Variants in APAF1 observed in about 807,000 individuals in gnomAD.
APAF1 encodes the protein apoptotic protease-activating factor 1.
In APAF1, 91 loss-of-function variants were observed where a neutral mutation model predicts 152.4. The observed-to-expected ratio is 0.60, with a 90% confidence interval of 0.50 to 0.71. The LOEUF is 0.71. Among genes scored for constraint, APAF1 ranks in the 30% least tolerant of loss-of-function variants. The pLI is 0.00. For missense variants in APAF1, 1,283 were observed against 1,472.0 expected, an observed-to-expected ratio of 0.87 and a Z score of 2.10; for synonymous variants, 484 against 494.1, an observed-to-expected ratio of 0.98 and a Z score of 0.27.
intron 22 of APAF1, among the ~76,000 whole-genome samples, chr12:98,718,666 C>T (rs746959740): frequency 1.3e-5 from 2 of 152,026 alleles, no homozygotes; most frequent in African/African-American, 4.8e-5. Context: ...CTGGGCGCAG[C>T]GGCTCACACC....
intron 7 of APAF1, 29 bp from the exon 8 acceptor site, chr12:98,665,524 A>G: frequency 6.9e-7 from 1 of 1,446,510 alleles, no homozygotes; most frequent in Non-Finnish European, 9.7e-7. Flanking sequence ...GGATGGTATT[A>G]GCATAGTGAC....
intron 1 of APAF1, 120 bp from the exon 2 acceptor site, chr12:98,648,199 A>C: frequency 1.1e-6 from 1 of 928,744 alleles, no homozygotes; most frequent in East Asian, 2.5e-5. Context: ...TCCATTTAAA[A>C]ATTTTTGCCA....
intron 22 of APAF1, among the ~76,000 whole-genome samples, chr12:98,717,119 C>T (rs11829360): frequency 0.027 from 4,062 of 151,994 alleles, 182 homozygotes; most frequent in African/African-American, 0.093. Context: ...CCGCCCGCCT[C>T]GGCCTCCCAA....
At chr12:98,655,481 G>A (rs2097655973) in intron 4 of APAF1, among the ~76,000 whole-genome samples, 3 of 149,956 alleles carry the variant, frequency 2.0e-5, no homozygotes, top group Non-Finnish European at 3.0e-5. Flanking sequence ...CCTCCCTCCC[G>A]GACGGGGCGG....
Position 98,734,355 on chromosome 12 carries a change from C to T in APAF1, c.*1789C>T, listed in dbSNP as rs567458422. The T allele has an allele frequency of 3.3e-5, 5 of 152,158 alleles. No individual in the cohort carries two copies. Among genetic ancestry groups the T allele is most frequent in the South Asian group, 2.1e-4 (1 of 4,824 alleles). The allele number at this position is 152,158 out of a possible 1,614,324, so 9.4% of individuals were successfully genotyped here. A position where few individuals can be genotyped will look rare whatever the true frequency, so the allele number is the denominator to read the frequency against. On this transcript the variant is annotated 3_prime_UTR_variant, in exon 27 of 27. Coordinates refer to ENST00000551964, the MANE Select transcript of APAF1 (RefSeq NM_181861.2). The stretch of plus-strand genomic sequence containing the variant: ...TCCTGATCAGGAACTTTAGTTGAAG[C>T]GTAAATCTAAAGAAACATTTTCTCT...
Position 98,666,272 on chromosome 12 carries a change from G to A in APAF1, c.1277G>A (p.Cys426Tyr). ...TTTGTAAATAAGTCTCTTTTATTCT[G>A]TGATCGGAATGGAAAGTCGTTTCGT... ...QEFVNKSLLFCDRNGKSFRYY... is the reference protein window; with the variant it reads ...QEFVNKSLLFYDRNGKSFRYY... Residue 426 changes from cysteine (C) to tyrosine (Y), a missense_variant, in exon 9 of 27, where the codon TGT becomes TAT. Coordinates refer to ENST00000551964, the MANE Select transcript of APAF1 (RefSeq NM_181861.2). 1 of 1,613,802 alleles carries A rather than the reference G, an allele frequency of 6.2e-7. No homozygotes were observed. Among genetic ancestry groups the A allele is most frequent in the Non-Finnish European group, 8.5e-7 (1 of 1,179,828 alleles).
At chr12:98,723,495 T>C (rs201755650) in intron 23 of APAF1, 144 bp from the exon 24 acceptor site, 1 of 946,166 alleles carries the variant, frequency 1.1e-6, no homozygotes. Context: ...TTTATACTGT[T>C]AGTCACATTT....
intron 22 of APAF1, among the ~76,000 whole-genome samples, chr12:98,720,550 G>A (rs1565893275): frequency 6.6e-6 from 1 of 152,206 alleles, no homozygotes; most frequent in South Asian, 2.1e-4. Flanking sequence ...TAGCCCTTAG[G>A]ATTGTGAACA....
chr12:98,689,562 T>C (rs143123251), intron 16 of APAF1, among the ~76,000 whole-genome samples: 227 of 151,978 alleles, frequency 1.5e-3, no homozygotes, highest in African/African-American at 5.0e-3. Context: ...CTAACTAAAG[T>C]GATCCTCCTG....
At chr12:98,660,972 C>G (rs2097664335) in intron 5 of APAF1, among the ~76,000 whole-genome samples, 1 of 152,174 alleles carries the variant, frequency 6.6e-6, no homozygotes, top group African/African-American at 2.4e-5. Flanking sequence ...GGTGCAATCT[C>G]TGCTCACTGA....
intron 18 of APAF1, among the ~76,000 whole-genome samples, chr12:98,705,937 A>G (rs777544649): frequency 2.0e-5 from 3 of 152,176 alleles, no homozygotes; most frequent in Non-Finnish European, 4.4e-5. Flanking sequence ...TCTTGCTTTC[A>G]TCCCTATCCC....
At chr12:98,695,438 C>A (rs1423079020) in intron 16 of APAF1, among the ~76,000 whole-genome samples, 1 of 151,076 alleles carries the variant, frequency 6.6e-6, no homozygotes, top group Non-Finnish European at 1.5e-5. Context: ...GATTGCAGCT[C>A]ACTGCAGCCT....
At chr12:98,665,359 C>T (rs7965985) in intron 7 of APAF1, among the ~76,000 whole-genome samples, 194 bp from the exon 8 acceptor site, 56,170 of 144,620 alleles carry the variant, frequency 0.39, 11,663 homozygotes, top group African/African-American at 0.56. Context: ...CAGGAACTTA[C>T]TGAATGAAAT....
chr12:98,683,418 A>G, intron 15 of APAF1, 144 bp downstream of exon 15: 3 of 839,388 alleles, frequency 3.6e-6, no homozygotes, highest in Non-Finnish European at 5.7e-6. Context: ...AAGCAAAAAA[A>G]AAATAGCTTA....
intron 4 of APAF1, among the ~76,000 whole-genome samples, chr12:98,653,484 C>T (rs1344133836): frequency 6.7e-6 from 1 of 149,682 alleles, no homozygotes; most frequent in Non-Finnish European, 1.5e-5. Flanking sequence ...TGGTGAAACC[C>T]CGTCTCTACT....
At chr12:98,727,831 C>T (rs1023855367) in intron 26 of APAF1, among the ~76,000 whole-genome samples, 9 of 151,784 alleles carry the variant, frequency 5.9e-5, no homozygotes, top group Admixed American at 4.6e-4. Flanking sequence ...ATCCCAGCTA[C>T]TTGGGAGGCT....
intron 18 of APAF1, among the ~76,000 whole-genome samples, chr12:98,705,578 A>AT (rs2097720516): frequency 6.6e-6 from 1 of 152,214 alleles, no homozygotes; most frequent in South Asian, 2.1e-4. Context: ...TAGTTCTGTA[A>AT]TTTAAAGTGT....
At position 98,723,293 on chromosome 12, in the gene APAF1, C is replaced by A; in HGVS notation, c.3185C>A (p.Ser1062Ter). 1.9e-6 allele frequency: 3 copies of A among 1,613,346 alleles called. No individual in the cohort carries two copies. In the South Asian group the frequency reaches 3.3e-5, roughly 18 times the overall value. ...AAAAATTCAAGACTGCTTTCTTGGT[C>A]ATTTGATGGAACAGTGAAGGTAATT... ...LLKNSRLLSW[S>*]FDGTVKVWNI... The change falls in exon 23 of 27, where the codon TCA (serine) becomes TAA (stop). Residue 1062 changes from serine to a stop codon, truncating the protein, a stop_gained. Coordinates refer to ENST00000551964, the MANE Select transcript of APAF1 (RefSeq NM_181861.2). LOFTEE classifies it high-confidence loss of function.
At chr12:98,653,700 A>ATATATATATG (rs2097652579) in intron 4 of APAF1, among the ~76,000 whole-genome samples, 1 of 103,892 alleles carries the variant, frequency 9.6e-6, no homozygotes, top group Non-Finnish European at 2.0e-5. Flanking sequence ...AAATATATAT[A>ATATATATATG]TATATATATA....
Sources: gnomAD v4.1 joint callset for allele counts (sites outside exome capture counted in the v4.1 genomes callset) on GRCh38, gnomAD v4.1.1 for gene constraint, MANE v1.5 for transcripts, NCBI Gene and HGNC (gene_info 2026-07-23, HGNC 2026-07-21) for gene names.